The following RAB5C variants were observed in gnomAD, a reference collection of about 807,000 sequenced individuals.
RAB5C encodes the protein ras-related protein Rab-5C.
In RAB5C, 4 loss-of-function variants were observed where a neutral mutation model predicts 25.2. The observed-to-expected ratio is 0.16, with a 90% CI of 0.08 to 0.36. The LOEUF (loss-of-function observed/expected upper bound fraction) is 0.36. Ranked by LOEUF, RAB5C falls within the 10% of genes least tolerant of loss-of-function variation. The probability of loss-of-function intolerance (pLI) is 1.00; values close to 1 mark genes in which losing one functional copy is unlikely to be tolerated. For synonymous variants in RAB5C, 100 were observed against 106.4 expected (o/e 0.94, Z 0.37); for missense variants, 199 against 283.8 (o/e 0.70, Z 2.15).
chr17:42,143,314 G>A (rs1432697618), intron 1 of RAB5C, among the ~76,000 whole-genome samples: 3 of 152,176 alleles, frequency 2.0e-5, no homozygotes, highest in African/African-American at 7.2e-5. Context: ...AGAGCCAGCT[G>A]AATCTACAAC....
chr17:42,151,897 A>G (rs866232120), intron 1 of RAB5C, among the ~76,000 whole-genome samples: 2 of 152,122 alleles, frequency 1.3e-5, no homozygotes, highest in Non-Finnish European at 2.9e-5. Context: ...GAGGAGGGCT[A>G]AAGAGTTAAG....
intron 1 of RAB5C, among the ~76,000 whole-genome samples, chr17:42,140,499 ATATATATATATATATATTTTTTTT>A (rs1012527247): frequency 4.8e-5 from 2 of 41,540 alleles, no homozygotes; most frequent in African/African-American, 4.6e-4. Flanking sequence ...ATATATATAT[ATATATATATATATATATTTTTTTT>A]TTTTTTTTTT....
At chr17:42,136,653 G>A (rs1471522854) in intron 1 of RAB5C, among the ~76,000 whole-genome samples, 1 of 152,214 alleles carries the variant, frequency 6.6e-6, no homozygotes, top group African/African-American at 2.4e-5. Flanking sequence ...GGCTGAAGGT[G>A]AGCTTTCAAC....
intron 1 of RAB5C, 135 bp downstream of exon 1, chr17:42,154,758 G>T (rs2079695840): frequency 6.6e-6 from 1 of 152,416 alleles, no homozygotes; most frequent in Non-Finnish European, 1.5e-5. Flanking sequence ...GACGCCTGGG[G>T]AGCCCCTCAA....
intron 2 of RAB5C, 128 bp downstream of exon 2, chr17:42,130,208 AG>A (rs2054470023): frequency 7.6e-7 from 1 of 1,315,656 alleles, no homozygotes; most frequent in African/African-American, 1.5e-5. Flanking sequence ...GGCCCAGGTG[AG>A]GAAGTGGGGC....
chr17:42,142,390 G>A (rs2079608600), intron 1 of RAB5C, among the ~76,000 whole-genome samples: 1 of 152,128 alleles, frequency 6.6e-6, no homozygotes, highest in Admixed American at 6.6e-5. Context: ...CCTCTTTCAG[G>A]AAAGGGAAGA....
At chr17:42,141,858 C>G (rs1263108766) in intron 1 of RAB5C, among the ~76,000 whole-genome samples, 1 of 152,106 alleles carries the variant, frequency 6.6e-6, no homozygotes, top group Non-Finnish European at 1.5e-5. Context: ...AGCAGGGGAG[C>G]CCCTGCGCCT....
Position 42,125,727 on chromosome 17 carries a change from T to C in RAB5C, c.*56A>G. The stretch of plus-strand genomic sequence containing the variant: ...GTTAAGTGCGATTGGTTAGAGTGGA[T>C]TCCAGTCGGGTCATTCAGGCGGAGG... On this transcript the variant is annotated 3_prime_UTR_variant, in exon 6 of 6. Coordinates refer to ENST00000346213, the MANE Select transcript of RAB5C (RefSeq NM_004583.4). 7.6e-7 allele frequency: 1 copy of C among 1,308,402 alleles called. No homozygotes were observed. Among genetic ancestry groups the C allele is most frequent in the Non-Finnish European group, 1.1e-6 (1 of 934,758 alleles). The allele number at this position is 1,308,402 out of a possible 1,614,324, so 81.0% of individuals were successfully genotyped here. A position where few individuals can be genotyped will look rare whatever the true frequency, so the allele number is the denominator to read the frequency against.
intron 1 of RAB5C, among the ~76,000 whole-genome samples, chr17:42,142,555 T>G (rs2079609572): frequency 6.6e-6 from 1 of 152,196 alleles, no homozygotes; most frequent in Non-Finnish European, 1.5e-5. Flanking sequence ...AGCAATCTGA[T>G]GTCTAGGAGA....
At chr17:42,142,282 G>A (rs930227901) in intron 1 of RAB5C, among the ~76,000 whole-genome samples, 2 of 151,378 alleles carry the variant, frequency 1.3e-5, no homozygotes, top group African/African-American at 2.4e-5. Context: ...CAATCCCCCC[G>A]CCTTGGCCTC....
intron 1 of RAB5C, among the ~76,000 whole-genome samples, chr17:42,149,410 T>C (rs1262242192): frequency 6.6e-6 from 1 of 152,068 alleles, no homozygotes; most frequent in Non-Finnish European, 1.5e-5. Flanking sequence ...GGCAAAACCC[T>C]GTCTCTACTA....
At chr17:42,150,544 CAAAAAAAAA>C (rs759878778) in intron 1 of RAB5C, among the ~76,000 whole-genome samples, 6 of 19,388 alleles carry the variant, frequency 3.1e-4, no homozygotes, top group East Asian at 1.1e-3. Context: ...AACTCCATCT[CAAAAAAAAA>C]AAAAAAAAAA....
intron 1 of RAB5C, chr17:42,131,464 G>T (rs2054485415): frequency 1.4e-6 from 1 of 727,596 alleles, no homozygotes; most frequent in Non-Finnish European, 2.3e-6. Context: ...AAAAACACAT[G>T]CCAACACACA....
chr17:42,127,100 T>C (rs1423271869), intron 4 of RAB5C, among the ~76,000 whole-genome samples: 1 of 152,216 alleles, frequency 6.6e-6, no homozygotes, highest in Non-Finnish European at 1.5e-5. Context: ...TTCTTGCTCT[T>C]CAAAATCACT....
intron 1 of RAB5C, among the ~76,000 whole-genome samples, chr17:42,140,500 TATATATATATATATA>T (rs1180335025): frequency 2.4e-5 from 1 of 42,434 alleles, no homozygotes; most frequent in African/African-American, 2.3e-4. Context: ...TATATATATA[TATATATATATATATA>T]TTTTTTTTTT....
chr17:42,146,210 C>T (rs1473389472), intron 1 of RAB5C, among the ~76,000 whole-genome samples: 2 of 152,030 alleles, frequency 1.3e-5, no homozygotes, highest in African/African-American at 4.8e-5. Flanking sequence ...CCTAAAGAGA[C>T]AATGAATATA....
intron 1 of RAB5C, among the ~76,000 whole-genome samples, chr17:42,139,822 T>C (rs1462436497): frequency 2.0e-5 from 3 of 152,178 alleles, no homozygotes; most frequent in African/African-American, 2.4e-5. Context: ...CAGGGCTTGT[T>C]AGGGATGACA....
chr17:42,130,372 C>T lies in RAB5C; in HGVS notation c.131G>A (p.Gly44Glu). The T allele has an allele frequency of 6.2e-7, 1 of 1,613,798 alleles. No individual in the cohort carries two copies. Among genetic ancestry groups the T allele is most frequent in the Non-Finnish European group, 8.5e-7 (1 of 1,179,716 alleles). Reference sequence around the variant, plus strand: ...GCTCTCCTGGTACTCGTGAAACTGTCCCTTGACAAAGCGGAGGACGAGGCT... The same window carrying T: ...GCTCTCCTGGTACTCGTGAAACTGTTCCTTGACAAAGCGGAGGACGAGGCT... ...KSSLVLRFVKGQFHEYQESTI... is the reference protein window; with the variant it reads ...KSSLVLRFVKEQFHEYQESTI... Residue 44 changes from glycine to glutamate, a missense_variant, in exon 2 of 6, where the codon GGA (glycine) becomes GAA (glutamate). Physicochemically the swap from Gly to Glu is moderately conservative, Grantham distance 98 (BLOSUM62 -2). Transcript: ENST00000346213.
chr17:42,131,471 C>A, intron 1 of RAB5C: 3 of 805,896 alleles, frequency 3.7e-6, no homozygotes, highest in Middle Eastern at 2.5e-4. Context: ...CATGCCAACA[C>A]ACACACAGAA....
Sources: gnomAD v4.1 joint callset for allele counts (sites outside exome capture counted in the v4.1 genomes callset) on GRCh38, gnomAD v4.1.1 for gene constraint, MANE v1.5 for transcripts, NCBI Gene and HGNC (gene_info 2026-07-23, HGNC 2026-07-21) for gene names.